SCAPER: variants seen among roughly 807,000 people sequenced by gnomAD.
SCAPER encodes the protein S-phase cyclin A associated protein in the ER, also known as S phase cyclin A-associated protein in the endoplasmic reticulum.
SCAPER carries 98 observed loss-of-function variants against 182.2 expected under a neutral mutation model. The ratio of observed to expected loss-of-function variants is 0.54; its 90% CI spans 0.46 to 0.64. The LOEUF is 0.64. Ranked by LOEUF, SCAPER falls within the 30% of genes least tolerant of loss-of-function variation. The probability of loss-of-function intolerance (pLI) is 0.00; values close to 1 mark genes in which losing one functional copy is unlikely to be tolerated. For missense variants in SCAPER, 1,432 were observed against 1,690.0 expected (o/e 0.85, Z 2.68); for synonymous variants, 605 against 564.6 (o/e 1.07, Z -1.01).
At chr15:76,781,258 C>T (rs781621682) in intron 8 of SCAPER, among the ~76,000 whole-genome samples, 4 of 151,984 alleles carry the variant, frequency 2.6e-5, no homozygotes, top group South Asian at 2.1e-4. Flanking sequence ...GCTTCAATAG[C>T]GGATTCGATC....
At chr15:76,518,822 A>C (rs2042634611) in intron 23 of SCAPER, among the ~76,000 whole-genome samples, 1 of 152,222 alleles carries the variant, frequency 6.6e-6, no homozygotes, top group South Asian at 2.1e-4. Flanking sequence ...TCTCCATCAT[A>C]ATGTCACAAA....
intron 29 of SCAPER, among the ~76,000 whole-genome samples, chr15:76,358,955 C>A (rs2041199340): frequency 6.6e-6 from 1 of 152,162 alleles, no homozygotes; most frequent in African/African-American, 2.4e-5. Context: ...TCTGGCTCTG[C>A]CCCCTGATCT....
At chr15:76,721,323 C>T (rs1203712971) in intron 17 of SCAPER, among the ~76,000 whole-genome samples, 8 of 152,036 alleles carry the variant, frequency 5.3e-5, no homozygotes, top group Non-Finnish European at 8.8e-5. Context: ...GTTTTGGTTA[C>T]TGTAGCCTTG....
intron 24 of SCAPER, among the ~76,000 whole-genome samples, chr15:76,501,361 A>T (rs997511885): frequency 5.9e-5 from 9 of 151,982 alleles, no homozygotes; most frequent in Non-Finnish European, 2.9e-5. Flanking sequence ...AAAAAAAAAA[A>T]AAGCTTCTGG....
At chr15:76,901,320 T>C (rs1296577773) in intron 1 of SCAPER, among the ~76,000 whole-genome samples, 1 of 152,260 alleles carries the variant, frequency 6.6e-6, no homozygotes, top group Non-Finnish European at 1.5e-5. Flanking sequence ...TACTTCTATA[T>C]ATACTGCCAT....
At chr15:76,551,748 A>G (rs2045788853) in intron 23 of SCAPER, among the ~76,000 whole-genome samples, 1 of 152,204 alleles carries the variant, frequency 6.6e-6, no homozygotes, top group Non-Finnish European at 1.5e-5. Flanking sequence ...TGGATATGCT[A>G]ACTACACTGA....
chr15:76,734,106 T>C (rs930535158), intron 15 of SCAPER, among the ~76,000 whole-genome samples: 2 of 152,168 alleles, frequency 1.3e-5, no homozygotes, highest in East Asian at 1.9e-4. Flanking sequence ...AAGGACAAAA[T>C]GTAAAATAAA....
chr15:76,757,322 C>T (rs940324284), intron 14 of SCAPER, among the ~76,000 whole-genome samples: 28 of 152,034 alleles, frequency 1.8e-4, no homozygotes, highest in African/African-American at 6.8e-4. Flanking sequence ...TCCCATATTC[C>T]ACATAGAAGT....
intron 22 of SCAPER, among the ~76,000 whole-genome samples, chr15:76,621,124 C>T (rs1184972524): frequency 6.6e-6 from 1 of 152,220 alleles, no homozygotes; most frequent in Non-Finnish European, 1.5e-5. Context: ...CTAATGCACA[C>T]TGCTTTTCAA....
intron 23 of SCAPER, among the ~76,000 whole-genome samples, chr15:76,542,502 G>A (rs553875630): frequency 6.6e-6 from 1 of 151,250 alleles, no homozygotes; most frequent in Admixed American, 6.6e-5. Context: ...CAGCCTGGGC[G>A]ACAAGAGCGA....
At chr15:76,763,012 TTA>T (rs2062886640) in intron 14 of SCAPER, among the ~76,000 whole-genome samples, 1 of 152,176 alleles carries the variant, frequency 6.6e-6, no homozygotes, top group African/African-American at 2.4e-5. Context: ...CCTTACAGTA[TTA>T]TGTTATTCTA....
chr15:76,804,250 TA>T (rs1446770944), intron 6 of SCAPER, among the ~76,000 whole-genome samples: 1 of 152,242 alleles, frequency 6.6e-6, no homozygotes, highest in Non-Finnish European at 1.5e-5. Context: ...TTTTTTGTAC[TA>T]AGTTCTATTT....
chr15:76,584,086 A>C (rs2048457937), intron 22 of SCAPER, among the ~76,000 whole-genome samples: 1 of 152,248 alleles, frequency 6.6e-6, no homozygotes, highest in Non-Finnish European at 1.5e-5. Flanking sequence ...TATATCACCA[A>C]TAAAAAGGAA....
chr15:76,496,937 A>G (rs2040604455), intron 24 of SCAPER, among the ~76,000 whole-genome samples: 3 of 152,072 alleles, frequency 2.0e-5, no homozygotes, highest in Admixed American at 2.0e-4. Context: ...ATTTACTCAA[A>G]ATATTTTAAG....
At chr15:76,500,033 C>T (rs946278253) in intron 24 of SCAPER, among the ~76,000 whole-genome samples, 1 of 152,186 alleles carries the variant, frequency 6.6e-6, no homozygotes, top group African/African-American at 2.4e-5. Context: ...AACACATGCA[C>T]TTTTAATCCT....
chr15:76,680,048 A>G (rs1317292738), intron 20 of SCAPER, among the ~76,000 whole-genome samples: 1 of 152,176 alleles, frequency 6.6e-6, no homozygotes, highest in Non-Finnish European at 1.5e-5. Flanking sequence ...AAAATATTTT[A>G]GTAATAGAGT....
intron 4 of SCAPER, among the ~76,000 whole-genome samples, chr15:76,845,671 T>C (rs1218116273): frequency 6.6e-6 from 1 of 151,234 alleles, no homozygotes; most frequent in Non-Finnish European, 1.5e-5. Flanking sequence ...CTACAATGAA[T>C]ACACTGATAA....
At chr15:76,721,511 T>C (rs1462296284) in intron 17 of SCAPER, among the ~76,000 whole-genome samples, 2 of 152,142 alleles carry the variant, frequency 1.3e-5, no homozygotes, top group East Asian at 1.9e-4. Context: ...ATAAATTACC[T>C]TGGGCAGTAT....
chr15:76,508,224 A>G (rs748329903), intron 23 of SCAPER, among the ~76,000 whole-genome samples: 29 of 152,018 alleles, frequency 1.9e-4, no homozygotes, highest in Admixed American at 5.2e-4. Context: ...AAATTCATTC[A>G]TGTTGCTGCC....
Sources: allele counts gnomAD v4.1 joint callset (sites outside exome capture counted in the v4.1 genomes callset), GRCh38; gene constraint gnomAD v4.1.1; transcripts MANE v1.5; gene names NCBI Gene and HGNC (gene_info 2026-07-23, HGNC 2026-07-21).